The following KLHL13 variants were observed in gnomAD, a reference collection of about 807,000 sequenced individuals.
KLHL13 encodes kelch like family member 13, also known as kelch-like protein 13.
A neutral mutation model predicts 37.1 loss-of-function variants in KLHL13; 10 were observed. The ratio of observed to expected loss-of-function variants is 0.27; its 90% CI spans 0.17 to 0.46. The LOEUF is 0.46. Ranked by LOEUF, KLHL13 falls within the 20% of genes least tolerant of loss-of-function variation. The pLI is 1.00. For synonymous variants in KLHL13, 163 were observed against 181.2 expected, an observed-to-expected ratio of 0.90 and a Z score of 0.81; for missense variants, 360 against 509.3, an observed-to-expected ratio of 0.71 and a Z score of 2.82.
intron 1 of KLHL13, among the ~76,000 whole-genome samples, chrX:118,052,550 G>A (rs781620156): frequency 9.7e-4 from 102 of 105,055 alleles, no homozygotes; most frequent in African/African-American, 3.4e-3. Context: ...AGTAGAGGCC[G>A]GGCACAGTGG....
intron 1 of KLHL13, among the ~76,000 whole-genome samples, chrX:118,062,493 G>A (rs1042904735): frequency 9.2e-6 from 1 of 109,101 alleles, no homozygotes; most frequent in Admixed American, 9.9e-5. Flanking sequence ...TTAGAAGTAG[G>A]TACAAGCTTC....
At chrX:118,092,810 T>C (rs1277877886) in intron 1 of KLHL13, among the ~76,000 whole-genome samples, 1 of 111,875 alleles carries the variant, frequency 8.9e-6, no homozygotes, top group Non-Finnish European at 1.9e-5. Flanking sequence ...TTCTGGGCTA[T>C]GAAAATATAC....
Position 117,950,594 on chromosome X carries a change from GAAC to G in KLHL13, c.99-5022_99-5020del, listed in dbSNP as rs1256909500. On this transcript the variant is annotated intron_variant, in intron 1 of 6. Coordinates refer to ENST00000262820, the Ensembl canonical transcript of KLHL13. ...TTGGTGTCAGTGGGTTGGTATACAG[GAAC>G]AACAACAATAACAAAACAAAATGAA... 1.9e-3 allele frequency among the ~76,000 whole-genome samples: 210 copies of G among 111,672 alleles called. 1 individual carries two copies. The highest frequency in any genetic ancestry group is 6.5e-3 in the African/African-American group (199 of 30,809).
chrX:117,915,407 T>G lies in KLHL13; in HGVS notation c.570+4114A>C, dbSNP rs144071560. On this transcript the variant is annotated intron_variant, in intron 4 of 6. Coordinates refer to ENST00000262820, the Ensembl canonical transcript of KLHL13. Reference sequence around the variant, plus strand: ...GTACCTCCTTTATTTTGTCTCCAACTCTTCATCACCTCCAGTCACCTCAAT... The same window carrying G: ...GTACCTCCTTTATTTTGTCTCCAACGCTTCATCACCTCCAGTCACCTCAAT... 4.2e-3 allele frequency among the ~76,000 whole-genome samples: 462 copies of G among 111,281 alleles called. 2 individuals carry two copies. Among genetic ancestry groups the G allele is most frequent in the Middle Eastern group, 0.014 (3 of 212 alleles).
At chrX:118,081,467 GA>G (rs2054993957) in intron 1 of KLHL13, among the ~76,000 whole-genome samples, 1 of 110,699 alleles carries the variant, frequency 9.0e-6, no homozygotes, top group Non-Finnish European at 1.9e-5. Flanking sequence ...TTTTTTAACT[GA>G]TACATAATAA....
At chrX:118,080,130 C>CA (rs1359920211) in intron 1 of KLHL13, among the ~76,000 whole-genome samples, 1 of 111,244 alleles carries the variant, frequency 9.0e-6, no homozygotes, top group East Asian at 2.8e-4. Context: ...AAAAATAACT[C>CA]AAAATGGATT....
intron 1 of KLHL13, among the ~76,000 whole-genome samples, chrX:118,114,173 AAATC>A (rs1314336852): frequency 1.8e-5 from 2 of 112,791 alleles, no homozygotes; most frequent in African/African-American, 6.4e-5. Flanking sequence ...ACATCAATAA[AAATC>A]AAACAATTTG....
At chrX:117,909,854 C>T (rs941355376) in exon 5 of KLHL13, 1 of 1,210,364 alleles carries the variant, frequency 8.3e-7, no homozygotes, top group Non-Finnish European at 1.1e-6. Flanking sequence ...CAAAGTCCAT[C>T]CGAGGCTCTT....
chrX:117,909,871 G>A (rs370046598), exon 5 of KLHL13: 51 of 1,135,247 alleles, frequency 4.5e-5, no homozygotes, highest in Non-Finnish European at 5.7e-5. Context: ...TCTTCCAGGC[G>A]AAGCCAACGA....
At chrX:118,033,217 A>G (rs905792075) in intron 1 of KLHL13, among the ~76,000 whole-genome samples, 28 of 111,135 alleles carry the variant, frequency 2.5e-4, no homozygotes, top group Non-Finnish European at 4.3e-4. Context: ...GCAGGCCAAC[A>G]TTCAGATTCA....
At chrX:118,056,283 A>G (rs778318071) in intron 1 of KLHL13, among the ~76,000 whole-genome samples, 2 of 112,479 alleles carry the variant, frequency 1.8e-5, no homozygotes, top group South Asian at 3.7e-4. Flanking sequence ...TCTGGCAACT[A>G]TAAAACATTG....
In KLHL13 at chrX:118,028,431, G is replaced by A. The variant is rs192406591; in HGVS notation, c.-55-82856C>T. On this transcript the variant is annotated intron_variant, in intron 1 of 6. Transcript: ENST00000371882. The stretch of plus-strand genomic sequence containing the variant: ...CTATTTCCATAAATATACCGGTTAC[G>A]AAGTATTGCAGCAACCAATTCCCCT... 1.5e-3 allele frequency: 1,685 copies of A among 1,118,764 alleles called. 14 individuals carry two copies. In the African/African-American group the frequency reaches 0.027, roughly 18 times the overall value. The allele number at this position is 1,118,764 out of a possible 1,213,427, so 92.2% of individuals were successfully genotyped here. A position where few individuals can be genotyped will look rare whatever the true frequency, so the allele number is the denominator to read the frequency against.
At chrX:117,933,265 TA>T (rs1932557113) in intron 2 of KLHL13, among the ~76,000 whole-genome samples, 1 of 111,408 alleles carries the variant, frequency 9.0e-6, no homozygotes, top group Non-Finnish European at 1.9e-5. Flanking sequence ...CAAAATATCC[TA>T]CAAAGCTATA....
At position 118,089,632 on chromosome X, in the gene KLHL13, A is replaced by AAGAC. The variant is rs1343385146; in HGVS notation, c.-56+26875_-56+26876insGTCT. On this transcript the variant is annotated intron_variant, in intron 1 of 6. Coordinates refer to the KLHL13 transcript ENST00000371882. ...AGAGAGAAAGAAAGAGAAAGAAAGA[A>AAGAC]AGAAAGAAAGAAAGAAAGAAAGAAA... 1.7e-3 allele frequency among the ~76,000 whole-genome samples: 170 copies of AAGAC among 100,644 alleles called. 1 individual carries two copies. The highest frequency in any genetic ancestry group is 6.2e-3 in the African/African-American group (163 of 26,464). The allele number at this position is 100,644 out of a possible 115,157, so 87.4% of individuals were successfully genotyped here. A position where few individuals can be genotyped will look rare whatever the true frequency, so the allele number is the denominator to read the frequency against.
At chrX:118,048,789 C>A (rs2054585568) in intron 1 of KLHL13, among the ~76,000 whole-genome samples, 1 of 111,145 alleles carries the variant, frequency 9.0e-6, no homozygotes, top group Non-Finnish European at 1.9e-5. Context: ...ATGACACCCT[C>A]ATGAATAAAA....
chrX:118,021,481 C>T (rs903593677), intron 1 of KLHL13, among the ~76,000 whole-genome samples: 3 of 108,825 alleles, frequency 2.8e-5, no homozygotes, highest in Non-Finnish European at 3.8e-5. Flanking sequence ...TGAGTGAGAA[C>T]ATGCGGTGTT....
intron 1 of KLHL13, among the ~76,000 whole-genome samples, chrX:118,055,842 C>T (rs2054679036): frequency 1.8e-5 from 2 of 111,578 alleles, no homozygotes; most frequent in South Asian, 7.5e-4. Flanking sequence ...TGCTTGCCCC[C>T]TAAAATTAGG....
rs1050620724 is a variant in KLHL13 at position 117,999,470 on chromosome X, A to C, written c.-55-53895T>G. The stretch of plus-strand genomic sequence containing the variant: ...ATAAAACCAAATACCGCATGTTCTC[A>C]CTCATAGGTGGGAATTGAACAATGA... On this transcript the variant is annotated intron_variant, in intron 1 of 6. Transcript: ENST00000371882. 5.4e-5 allele frequency among the ~76,000 whole-genome samples: 6 copies of C among 110,161 alleles called. No individual in the cohort carries two copies. The East Asian group carries it at 1.4e-3, about 26-fold the overall frequency.
At chrX:118,074,118 C>G (rs191921020) in intron 1 of KLHL13, among the ~76,000 whole-genome samples, 3 of 111,503 alleles carry the variant, frequency 2.7e-5, no homozygotes, top group Admixed American at 9.5e-5. Flanking sequence ...CTGGAATGTT[C>G]TACCTGTATA....
Sources: allele counts gnomAD v4.1 joint callset (sites outside exome capture counted in the v4.1 genomes callset), GRCh38; gene constraint gnomAD v4.1.1; transcripts MANE v1.5; gene names NCBI Gene and HGNC (gene_info 2026-07-23, HGNC 2026-07-21).